The following GALNS variants were observed in gnomAD, a reference collection of about 807,000 sequenced individuals.
The protein encoded by GALNS is N-acetylgalactosamine-6-sulfatase.
A neutral mutation model predicts 65.9 loss-of-function variants in GALNS; 65 were observed. The observed-to-expected ratio is 0.99, with a 90% confidence interval of 0.81 to 1.21. The LOEUF (loss-of-function observed/expected upper bound fraction) is 1.21, where lower values mean the gene tolerates loss of function less well. Among genes scored for constraint, GALNS ranks in the 50% most tolerant of loss-of-function variants. The pLI is 0.00. For synonymous variants in GALNS, 346 were observed against 288.9 expected, an observed-to-expected ratio of 1.20 and a Z score of -2.00; for missense variants, 776 against 700.7, an observed-to-expected ratio of 1.11 and a Z score of -1.21.
At chr16:88,848,238 G>A (rs1388522471) in intron 1 of GALNS, among the ~76,000 whole-genome samples, 5 of 152,234 alleles carry the variant, frequency 3.3e-5, no homozygotes, top group Admixed American at 3.3e-4. Flanking sequence ...TGGTGACAAA[G>A]ATGATGTGAC....
At chr16:88,820,730 G>C (rs902743390) in intron 12 of GALNS, among the ~76,000 whole-genome samples, 22 of 152,234 alleles carry the variant, frequency 1.4e-4, no homozygotes, top group Non-Finnish European at 2.8e-4. Flanking sequence ...CGCAACAGGC[G>C]GGGAGCAGTG....
chr16:88,835,387 G>C, intron 7 of GALNS, 35 bp from the exon 8 acceptor site: 1 of 1,612,342 alleles, frequency 6.2e-7, no homozygotes, highest in South Asian at 1.1e-5. Flanking sequence ...CTCCATACCT[G>C]GAGGATGGTG....
chr16:88,851,008 C>T (rs546982560), intron 1 of GALNS, among the ~76,000 whole-genome samples: 2 of 152,364 alleles, frequency 1.3e-5, no homozygotes, highest in African/African-American at 2.4e-5. Flanking sequence ...CCGAGGGCAA[C>T]GTCCCACACG....
At chr16:88,852,434 G>A (rs1967546618) in intron 1 of GALNS, among the ~76,000 whole-genome samples, 1 of 152,220 alleles carries the variant, frequency 6.6e-6, no homozygotes, top group Admixed American at 6.5e-5. Context: ...GGAGAAACCA[G>A]AGCAGAAAAG....
At chr16:88,837,572 C>G in intron 5 of GALNS, 50 bp downstream of exon 5, 3 of 1,595,700 alleles carry the variant, frequency 1.9e-6, no homozygotes, top group Non-Finnish European at 2.6e-6. Flanking sequence ...GCAGGCACGC[C>G]GGGCACAGCA....
intron 12 of GALNS, among the ~76,000 whole-genome samples, chr16:88,821,337 C>T (rs1910198404): frequency 6.6e-6 from 1 of 152,182 alleles, no homozygotes; most frequent in Admixed American, 6.5e-5. Flanking sequence ...GTCTGTGTCT[C>T]CTCCCTCTGG....
At chr16:88,842,995 C>T (rs767134843) in intron 1 of GALNS, 166 bp from the exon 2 acceptor site, 8 of 1,508,102 alleles carry the variant, frequency 5.3e-6, no homozygotes, top group South Asian at 3.6e-5. Flanking sequence ...CGCCTGCGTG[C>T]GTGCACGATG....
At chr16:88,838,165 G>C (rs906660832) in intron 4 of GALNS, among the ~76,000 whole-genome samples, 3 of 152,186 alleles carry the variant, frequency 2.0e-5, no homozygotes, top group Non-Finnish European at 4.4e-5. Flanking sequence ...ACCCAAGTGT[G>C]TCTCCTCTGG....
chr16:88,815,253 C>T, intron 13 of GALNS: 4 of 985,470 alleles, frequency 4.1e-6, no homozygotes, highest in Non-Finnish European at 4.8e-6. Flanking sequence ...ATGGGGGATG[C>T]AGCTGCCAAG....
chr16:88,814,557 C>T (rs11076716), intron 13 of GALNS, 32 bp from the exon 14 acceptor site: 1 of 1,550,172 alleles, frequency 6.5e-7, no homozygotes, highest in East Asian at 2.4e-5. Context: ...AAAGAACATG[C>T]AGTTATTCAA....
intron 1 of GALNS, among the ~76,000 whole-genome samples, chr16:88,849,906 G>T (rs1967427633): frequency 6.6e-6 from 1 of 152,218 alleles, no homozygotes; most frequent in African/African-American, 2.4e-5. Context: ...TGGGCTCAGT[G>T]GCACCTAGTC....
intron 8 of GALNS, among the ~76,000 whole-genome samples, chr16:88,834,577 G>A (rs1403300298): frequency 1.5e-5 from 2 of 133,144 alleles, no homozygotes; most frequent in East Asian, 2.2e-4. Flanking sequence ...CCCCCTCAGC[G>A]TGGTCTGGGA....
intron 13 of GALNS, chr16:88,815,018 C>T (rs1909480059): frequency 1.0e-5 from 10 of 985,166 alleles, no homozygotes; most frequent in Non-Finnish European, 1.2e-5. Flanking sequence ...TAGGCGTGAG[C>T]CACCGCGCTT....
chr16:88,818,573 G>A (rs1349775315), intron 12 of GALNS, among the ~76,000 whole-genome samples: 1 of 152,222 alleles, frequency 6.6e-6, no homozygotes, highest in Non-Finnish European at 1.5e-5. Flanking sequence ...GGCATCTGCA[G>A]TTCTAAAATT....
intron 8 of GALNS, among the ~76,000 whole-genome samples, chr16:88,833,889 T>G (rs942334259): frequency 6.6e-6 from 1 of 152,256 alleles, no homozygotes; most frequent in African/African-American, 2.4e-5. Context: ...GTATGAAACA[T>G]TCCATCATTT....
At chr16:88,834,201 C>T (rs1179901118) in intron 8 of GALNS, among the ~76,000 whole-genome samples, 1 of 152,254 alleles carries the variant, frequency 6.6e-6, no homozygotes, top group African/African-American at 2.4e-5. Flanking sequence ...GGAGCCTATG[C>T]TTCTGTTTTG....
chr16:88,815,227 T>C (rs550269), intron 13 of GALNS: 843,133 of 985,360 alleles, frequency 0.86, 360,859 homozygotes, highest in South Asian at 0.92. Context: ...GAGAACTTGG[T>C]GGGGAGGTCC....
intron 12 of GALNS, among the ~76,000 whole-genome samples, chr16:88,821,103 C>A (rs60974182): frequency 6.6e-6 from 1 of 152,132 alleles, no homozygotes; most frequent in Non-Finnish European, 1.5e-5. Context: ...CTCTGTATCT[C>A]GGCACCCCCA....
rs926786241 is a variant in GALNS at position 88,826,617 on chromosome 16, T to A, written c.1139+85A>T. On this transcript the variant is annotated intron_variant, in intron 10 of 13. Transcript: ENST00000268695. ...CTGTGTCCAGAACCAGGAGGGCTGC[T>A]GGGCCTGGGGGTTGCACCTGATTAG... 7 of 1,509,334 alleles carry A rather than the reference T, an allele frequency of 4.6e-6. No individual in the cohort carries two copies. The African/African-American group carries it at 8.2e-5, about 18-fold the overall frequency. 93.5% of individuals were successfully genotyped at this position (1,509,334 alleles called of 1,614,324 possible).
Sources: allele counts gnomAD v4.1 joint callset (sites outside exome capture counted in the v4.1 genomes callset), GRCh38; gene constraint gnomAD v4.1.1; transcripts MANE v1.5; gene names NCBI Gene and HGNC (gene_info 2026-07-23, HGNC 2026-07-21).